Variants in SV2C observed in about 807,000 individuals in gnomAD.
The protein encoded by SV2C is solute carrier family 22 member B3.
SV2C carries 49 observed loss-of-function variants against 79.7 expected under a neutral mutation model. That is an observed-to-expected ratio of 0.61 (90% confidence interval 0.49 to 0.78). The LOEUF (loss-of-function observed/expected upper bound fraction) is 0.78. Ranked by LOEUF, SV2C falls within the 30% of genes least tolerant of loss-of-function variation. The pLI is 0.00. For missense variants in SV2C, 833 were observed against 912.9 expected (o/e 0.91, Z 1.13); for synonymous variants, 334 against 333.2 (o/e 1.00, Z -0.03).
chr5:76,338,816 C>A (rs1469135449), downstream of SV2C, among the ~76,000 whole-genome samples: 1 of 152,024 alleles, frequency 6.6e-6, no homozygotes, highest in Non-Finnish European at 1.5e-5. Context: ...TGCCATTATG[C>A]TTGGCTAATT....
At chr5:75,978,349 G>A in the SV2C span, among the ~76,000 whole-genome samples, 3 of 152,224 alleles carry the variant, frequency 2.0e-5, no homozygotes, top group East Asian at 3.9e-4. Context: ...ATGTCTCAGG[G>A]ATTGGCTCTG....
chr5:76,296,081 T>C (rs1747748484), intron 9 of SV2C, 139 bp downstream of exon 9: 1 of 751,766 alleles, frequency 1.3e-6, no homozygotes, highest in Admixed American at 3.3e-5. Flanking sequence ...ATGATGAATT[T>C]CAATACTTCT....
chr5:76,321,870 C>G (rs1484004911), intron 12 of SV2C, among the ~76,000 whole-genome samples: 1 of 151,510 alleles, frequency 6.6e-6, no homozygotes, highest in Non-Finnish European at 1.5e-5. Context: ...ACTTATATAC[C>G]TGCGTATCTT....
the SV2C span, among the ~76,000 whole-genome samples, chr5:76,063,147 T>G: frequency 6.6e-6 from 1 of 152,162 alleles, no homozygotes; most frequent in Non-Finnish European, 1.5e-5. Context: ...CAGAAGGCAA[T>G]TGTCCCCTTC....
chr5:76,252,689 A>G (rs1746151818), intron 4 of SV2C, among the ~76,000 whole-genome samples: 1 of 152,222 alleles, frequency 6.6e-6, no homozygotes, highest in African/African-American at 2.4e-5. Context: ...TTCTTTTAAC[A>G]ACATTGAAAA....
At chr5:76,245,608 G>A (rs1350202125) in intron 4 of SV2C, among the ~76,000 whole-genome samples, 1 of 152,114 alleles carries the variant, frequency 6.6e-6, no homozygotes, top group Non-Finnish European at 1.5e-5. Flanking sequence ...TGAGTAGACT[G>A]GATTCTAAGG....
At chr5:75,988,817 C>G in the SV2C span, among the ~76,000 whole-genome samples, 2 of 151,896 alleles carry the variant, frequency 1.3e-5, no homozygotes, top group Admixed American at 6.6e-5. Context: ...CTATCCTCCC[C>G]CTTTTCACTC....
chr5:75,870,485 A>T, the SV2C span, among the ~76,000 whole-genome samples: 18,901 of 151,762 alleles, frequency 0.12, 1,370 homozygotes, highest in African/African-American at 0.22. Context: ...AAAAAAAATT[A>T]AAAAAAATGA....
chr5:76,150,787 A>T (rs6887382), intron 2 of SV2C, among the ~76,000 whole-genome samples: 1 of 151,282 alleles, frequency 6.6e-6, no homozygotes, highest in Non-Finnish European at 1.5e-5. Flanking sequence ...ACAGATGTGC[A>T]CTAACACGCT....
At chr5:76,200,363 G>C (rs1010392114) in intron 3 of SV2C, among the ~76,000 whole-genome samples, 1 of 152,224 alleles carries the variant, frequency 6.6e-6, no homozygotes, top group Non-Finnish European at 1.5e-5. Flanking sequence ...AGTTCAGAGA[G>C]TCCAAACTTT....
intron 4 of SV2C, among the ~76,000 whole-genome samples, chr5:76,230,215 G>T (rs1263534478): frequency 6.6e-6 from 1 of 152,192 alleles, no homozygotes; most frequent in South Asian, 2.1e-4. Context: ...ATCTTGCAAG[G>T]ATTTACTCAC....
chr5:75,980,314 C>T, the SV2C span, among the ~76,000 whole-genome samples: 1 of 151,990 alleles, frequency 6.6e-6, no homozygotes, highest in Admixed American at 6.6e-5. Context: ...ATTCTTATTG[C>T]AACTATTCCA....
the SV2C span, among the ~76,000 whole-genome samples, chr5:75,902,787 G>A: frequency 0.024 from 3,614 of 152,188 alleles, 135 homozygotes; most frequent in African/African-American, 0.079. Context: ...ACTAAAATAG[G>A]GCTAACAAAA....
At chr5:75,877,619 T>C in the SV2C span, among the ~76,000 whole-genome samples, 2 of 147,610 alleles carry the variant, frequency 1.4e-5, no homozygotes, top group African/African-American at 2.6e-5. Flanking sequence ...AAAATCAAAT[T>C]GAAAAACTCA....
chr5:75,972,311 G>A, the SV2C span, among the ~76,000 whole-genome samples: 2 of 152,234 alleles, frequency 1.3e-5, no homozygotes, highest in South Asian at 2.1e-4. Flanking sequence ...GACAACAAAA[G>A]CCAAAATTGA....
At chr5:76,250,113 G>A (rs1232920047) in intron 4 of SV2C, among the ~76,000 whole-genome samples, 1 of 152,034 alleles carries the variant, frequency 6.6e-6, no homozygotes, top group Non-Finnish European at 1.5e-5. Flanking sequence ...GAGGGTTACT[G>A]CCTTGGTAAA....
At chr5:76,146,166 C>T (rs1453825865) in intron 2 of SV2C, among the ~76,000 whole-genome samples, 2 of 152,130 alleles carry the variant, frequency 1.3e-5, no homozygotes, top group Non-Finnish European at 2.9e-5. Context: ...TTAAGTCGAC[C>T]AGGGAAAGCT....
chr5:76,115,806 C>T (rs1393676622), intron 1 of SV2C, among the ~76,000 whole-genome samples: 1 of 152,180 alleles, frequency 6.6e-6, no homozygotes, highest in Non-Finnish European at 1.5e-5. Flanking sequence ...AAACCCAAGG[C>T]CCTTACTGTG....
chr5:76,017,522 A>G, the SV2C span, among the ~76,000 whole-genome samples: 2 of 152,130 alleles, frequency 1.3e-5, no homozygotes, highest in African/African-American at 4.8e-5. Context: ...CAAGTGGTCC[A>G]CCTGCTTCAG....
Sources: allele counts gnomAD v4.1 joint callset (sites outside exome capture counted in the v4.1 genomes callset), GRCh38; gene constraint gnomAD v4.1.1; transcripts MANE v1.5; gene names NCBI Gene and HGNC (gene_info 2026-07-23, HGNC 2026-07-21).